Variants in KLHL29 observed in about 807,000 individuals in gnomAD.
KLHL29 encodes kelch-like protein 29.
A neutral mutation model predicts 80.4 loss-of-function variants in KLHL29; 21 were observed. The observed-to-expected ratio is 0.26, with a 90% CI of 0.19 to 0.38. The LOEUF is 0.38. KLHL29 is among the 10% of genes least tolerant of loss of function. The probability of loss-of-function intolerance (pLI) is 1.00; values close to 1 mark genes in which losing one functional copy is unlikely to be tolerated. For synonymous variants in KLHL29, 511 were observed against 526.8 expected (o/e 0.97, Z 0.41); for missense variants, 867 against 1,223.9 (o/e 0.71, Z 4.35).
At chr2:23,475,517 CT>C in intron 1 of KLHL29, 42 bp from the exon 2 acceptor site, 1 of 166,646 alleles carries the variant, frequency 6.0e-6, no homozygotes. Context: ...AAAATTAGAC[CT>C]TTTCCCCACC....
intron 2 of KLHL29, among the ~76,000 whole-genome samples, chr2:23,515,360 C>T (rs1454510160): frequency 2.0e-5 from 3 of 152,240 alleles, no homozygotes; most frequent in Non-Finnish European, 2.9e-5. Context: ...CTGAGCACAA[C>T]ATACATGCTA....
chr2:23,696,691 T>TACA lies in KLHL29; in HGVS notation c.2105+180_2105+182dup. 1 of 562,706 alleles carries TACA rather than the reference T, an allele frequency of 1.8e-6. No homozygotes were observed. The highest frequency in any genetic ancestry group is 3.5e-5 in the Admixed American group (1 of 28,308). The allele number at this position is 562,706 out of a possible 1,614,324, so 34.9% of individuals were successfully genotyped here. ...GCACCGGGGGCAGCAGGGTGTGGGATACAAGCAGATGGGATGACATCTGTG... is the reference window on the plus strand; with the variant it reads ...GCACCGGGGGCAGCAGGGTGTGGGATACAACAAGCAGATGGGATGACATCTGTG... On this transcript the variant is annotated intron_variant, in intron 11 of 13. Transcript: ENST00000486442. This position sits in a 1 kb window ranked among gnomAD's most constrained non-coding sequence, Gnocchi z 5.5.
intron 1 of KLHL29, among the ~76,000 whole-genome samples, chr2:23,439,247 G>T (rs185022810): frequency 2.0e-4 from 29 of 146,806 alleles, no homozygotes; most frequent in South Asian, 6.6e-4. Flanking sequence ...TTTGTTGATC[G>T]TTTCAAAAAA....
chr2:23,558,369 G>A (rs114026417), intron 2 of KLHL29, among the ~76,000 whole-genome samples: 1,597 of 151,056 alleles, frequency 0.011, 29 homozygotes, highest in African/African-American at 0.036. Flanking sequence ...TGTCCTTCAA[G>A]GTTCGAGGTC....
intron 1 of KLHL29, among the ~76,000 whole-genome samples, chr2:23,417,026 A>T (rs1227534220): frequency 1.3e-5 from 2 of 151,794 alleles, no homozygotes; most frequent in African/African-American, 2.4e-5. Context: ...TTCCTATCTC[A>T]TGGCCCTGAC....
At chr2:23,452,735 A>G (rs1004572118) in intron 1 of KLHL29, among the ~76,000 whole-genome samples, 2 of 152,248 alleles carry the variant, frequency 1.3e-5, no homozygotes, top group African/African-American at 4.8e-5. Flanking sequence ...AACTGTAAAA[A>G]TGACACCAAC....
intron 3 of KLHL29, among the ~76,000 whole-genome samples, chr2:23,583,834 C>G (rs978552380): frequency 1.3e-5 from 2 of 152,220 alleles, no homozygotes; most frequent in Non-Finnish European, 2.9e-5. Context: ...CAACCACTCC[C>G]CTCTTCTCAC....
chr2:23,559,849 G>T (rs2103495346), intron 2 of KLHL29, among the ~76,000 whole-genome samples: 1 of 152,182 alleles, frequency 6.6e-6, no homozygotes, highest in Admixed American at 6.5e-5. Flanking sequence ...CTGGAACCCG[G>T]AGGAGCCCCA....
At chr2:23,552,542 A>G (rs533329165) in intron 2 of KLHL29, among the ~76,000 whole-genome samples, 2 of 152,230 alleles carry the variant, frequency 1.3e-5, no homozygotes, top group East Asian at 3.9e-4. Context: ...CTGCTGAGGA[A>G]GATTCAGCTC....
At chr2:23,475,920 C>T (rs1250247459) in intron 2 of KLHL29, among the ~76,000 whole-genome samples, 1 of 152,206 alleles carries the variant, frequency 6.6e-6, no homozygotes, top group East Asian at 1.9e-4. Flanking sequence ...TGTTGTCCAG[C>T]CCAGGCTGGA....
intron 1 of KLHL29, among the ~76,000 whole-genome samples, chr2:23,412,588 C>T (rs1666891097): frequency 1.3e-5 from 2 of 152,132 alleles, no homozygotes; most frequent in Non-Finnish European, 2.9e-5. Context: ...AAGGAGAGAG[C>T]CTGGGACCGC....
Position 23,680,769 on chromosome 2 carries a change from CTCTAGGCCATCTTCTCCT to C in KLHL29, c.941-3629_941-3612del, listed in dbSNP as rs1671063340. Among the ~76,000 whole-genome samples the C allele has an allele frequency of 2.6e-5, 4 of 151,810 alleles. No individual in the cohort carries two copies. The highest frequency in any genetic ancestry group is 5.9e-5 in the Non-Finnish European group (4 of 67,926). On this transcript the variant is annotated intron_variant, in intron 5 of 13. Transcript: ENST00000486442. The surrounding 1 kb of genome is among the most constrained non-coding windows in gnomAD (Gnocchi z 4.1). ...TCTCTAGGCCATCTTCTCCTGGGGTCTCTAGGCCATCTTCTCCTGGGGTCTCTAGGCCATCTTCTCCTG... is the reference window on the plus strand; with the variant it reads ...TCTCTAGGCCATCTTCTCCTGGGGTCGGGGTCTCTAGGCCATCTTCTCCTG...
chr2:23,466,215 G>A (rs1449045225), intron 1 of KLHL29, among the ~76,000 whole-genome samples: 11 of 152,180 alleles, frequency 7.2e-5, no homozygotes, highest in Non-Finnish European at 1.6e-4. Context: ...GAAATATTCT[G>A]TAGATGTGGT....
intron 8 of KLHL29, among the ~76,000 whole-genome samples, chr2:23,694,715 G>A (rs192545567): frequency 6.5e-4 from 99 of 152,128 alleles, no homozygotes; most frequent in African/African-American, 2.2e-3. Flanking sequence ...ACTCTCTGAC[G>A]CCTCTACACG....
At chr2:23,386,839 C>T (rs2103378924) in intron 1 of KLHL29, among the ~76,000 whole-genome samples, 1 of 152,140 alleles carries the variant, frequency 6.6e-6, no homozygotes, top group Non-Finnish European at 1.5e-5. Flanking sequence ...TCTGCGTTGC[C>T]TGGGGAAGGC....
At chr2:23,542,507 G>T (rs1666864113) in intron 2 of KLHL29, among the ~76,000 whole-genome samples, 1 of 152,214 alleles carries the variant, frequency 6.6e-6, no homozygotes, top group Non-Finnish European at 1.5e-5. Context: ...CGCGTTCAGG[G>T]TTTGGCTATT....
At chr2:23,469,369 G>A (rs959321033) in intron 1 of KLHL29, among the ~76,000 whole-genome samples, 12 of 152,224 alleles carry the variant, frequency 7.9e-5, no homozygotes, top group Admixed American at 5.2e-4. Context: ...TGCCCGTCAG[G>A]GAATCAGGGA....
intron 11 of KLHL29, among the ~76,000 whole-genome samples, chr2:23,702,468 ACTGT>A (rs1441341866): frequency 6.6e-6 from 1 of 152,158 alleles, no homozygotes; most frequent in African/African-American, 2.4e-5. Context: ...TAAGTCGGGG[ACTGT>A]CTGCACTATA....
At chr2:23,405,871 A>G (rs533440584) in intron 1 of KLHL29, among the ~76,000 whole-genome samples, 1 of 152,242 alleles carries the variant, frequency 6.6e-6, no homozygotes, top group African/African-American at 2.4e-5. Flanking sequence ...TGAATTTTGA[A>G]CTTGGCCTTA....
Sources: allele counts gnomAD v4.1 joint callset (sites outside exome capture counted in the v4.1 genomes callset), GRCh38; gene constraint gnomAD v4.1.1; non-coding constraint Gnocchi (gnomAD v3.1); transcripts MANE v1.5; gene names NCBI Gene and HGNC (gene_info 2026-07-23, HGNC 2026-07-21).